The following ADAMTS13 variants were observed in gnomAD, a reference collection of about 807,000 sequenced individuals.
ADAMTS13 encodes A disintegrin and metalloproteinase with thrombospondin motifs 13.
A neutral mutation model predicts 155.1 loss-of-function variants in ADAMTS13; 110 were observed. That is an observed-to-expected ratio of 0.71 (90% CI 0.61 to 0.83). ADAMTS13 has a LOEUF of 0.83. Among genes scored for constraint, ADAMTS13 ranks in the 40% least tolerant of loss-of-function variants. The pLI is 0.00. For synonymous variants in ADAMTS13, 758 were observed against 756.4 expected (o/e 1.00, Z -0.03); for missense variants, 1,707 against 1,891.7 (o/e 0.90, Z 1.81).
At position 133,422,548 on chromosome 9, in the gene ADAMTS13, G is replaced by A; in HGVS notation, c.105G>A (p.Gln35=). Residue 35 remains glutamine, a splice_region_variant and synonymous_variant, in exon 1 of 29, where the codon CAG becomes CAA. Transcript: ENST00000355699. The part of the protein sequence containing the change: ...LGCWGPSHFQ[Q]SCLQALEPQA... ...GCTGGGGACCCTCCCATTTCCAGCA[G>A]GTGGGCTCATTTGCAGGAGCGGGGG... is the stretch of plus-strand genomic sequence containing the variant. The A allele has an allele frequency of 6.2e-7, 1 of 1,614,078 alleles. No homozygotes were observed. Among genetic ancestry groups the A allele is most frequent in the Non-Finnish European group, 8.5e-7 (1 of 1,179,998 alleles).
At chr9:133,457,769 G>A in intron 27 of ADAMTS13, 141 bp from the exon 28 acceptor site, 1 of 1,039,202 alleles carries the variant, frequency 9.6e-7, no homozygotes, top group Non-Finnish European at 1.5e-6. Context: ...GGTAGAGGTG[G>A]GGTTCAGCAG....
Position 133,422,567 on chromosome 9 carries a change from G to A in ADAMTS13, c.105+19G>A. The A allele has an allele frequency of 2.5e-6, 4 of 1,613,278 alleles. No individual in the cohort carries two copies. The highest frequency in any genetic ancestry group is 3.4e-6 in the Non-Finnish European group (4 of 1,179,360). On this transcript the variant is annotated intron_variant, in intron 1 of 28. Transcript: ENST00000355699. ...CCAGCAGGTGGGCTCATTTGCAGGA[G>A]CGGGGGTATTCTGGGAGCCTCTGGG... is the stretch of plus-strand genomic sequence containing the variant.
intron 8 of ADAMTS13, among the ~76,000 whole-genome samples, chr9:133,431,260 C>T (rs919650727): frequency 2.0e-5 from 3 of 152,048 alleles, no homozygotes; most frequent in South Asian, 2.1e-4. Context: ...CCACCACCCA[C>T]GCCTGATCAG....
At chr9:133,423,289 G>A (rs1185795301) in intron 2 of ADAMTS13, 122 bp downstream of exon 2, 3 of 927,938 alleles carry the variant, frequency 3.2e-6, no homozygotes, top group Admixed American at 3.7e-5. Flanking sequence ...CAGAGAAGCT[G>A]CTGTCAACCC....
chr9:133,449,465 G>A (rs587695933), intron 22 of ADAMTS13, among the ~76,000 whole-genome samples: 3 of 152,256 alleles, frequency 2.0e-5, no homozygotes, highest in East Asian at 1.9e-4. Context: ...GCTCCAGGGC[G>A]GTGGTGCTGG....
intron 21 of ADAMTS13, among the ~76,000 whole-genome samples, chr9:133,447,849 C>A (rs2130904281): frequency 6.6e-6 from 1 of 152,232 alleles, no homozygotes; most frequent in African/African-American, 2.4e-5. Flanking sequence ...CCGCCTTGGC[C>A]TCCCAAAGTG....
chr9:133,442,269 C>A, intron 16 of ADAMTS13, 130 bp from the exon 17 acceptor site: 1 of 1,431,986 alleles, frequency 7.0e-7, no homozygotes, highest in Non-Finnish European at 9.8e-7. Flanking sequence ...CCGTGCCTGG[C>A]CAGTGATTGC....
In ADAMTS13 at chr9:133,424,764, C is replaced by T. The variant is rs952432452; in HGVS notation, c.330+286C>T. 2.6e-5 allele frequency among the ~76,000 whole-genome samples: 4 copies of T among 152,188 alleles called. No individual in the cohort carries two copies. Among genetic ancestry groups the T allele is most frequent in the Non-Finnish European group, 5.9e-5 (4 of 68,042 alleles). On this transcript the variant is annotated intron_variant, in intron 3 of 28. Coordinates refer to ENST00000355699, the MANE Select transcript of ADAMTS13 (RefSeq NM_139027.6). The surrounding 1 kb of genome is among the most constrained non-coding windows in gnomAD (Gnocchi z 4.3). Reference sequence around the variant, plus strand: ...TTCCCCAGTATCCATTTGACCCCCACAAAGCTCAGCTAAAGCAACCCTGGC... The same window carrying T: ...TTCCCCAGTATCCATTTGACCCCCATAAAGCTCAGCTAAAGCAACCCTGGC...
Position 133,442,716 on chromosome 9 carries a change from C to T in ADAMTS13, c.2207C>T (p.Ala736Val), listed in dbSNP as rs1029058000. 4.3e-6 allele frequency: 7 copies of T among 1,612,870 alleles called. No homozygotes were observed. The highest frequency in any genetic ancestry group is 5.9e-6 in the Non-Finnish European group (7 of 1,179,980). Residue 736 changes from alanine to valine, a missense_variant, in exon 18 of 29, where the codon GCC becomes GTC. Around this residue, in one of 3 missense-constraint regions of ADAMTS13, gnomAD observed 961 missense variants for 1,107.9 expected, o/e 0.87. Transcript: ENST00000355699. The part of the protein sequence containing the change: ...GSQQPPAWPE[A>V]CVLEPCPPYW... Reference sequence around the variant, plus strand: ...CAGCAGCCACCAGCGTGGCCAGAGGCCTGCGTGCTCGAACCCTGCCCTCCC... The same window carrying T: ...CAGCAGCCACCAGCGTGGCCAGAGGTCTGCGTGCTCGAACCCTGCCCTCCC...
upstream of ADAMTS13, among the ~76,000 whole-genome samples, chr9:133,418,483 G>A (rs1839810429): frequency 6.6e-6 from 1 of 152,222 alleles, no homozygotes; most frequent in South Asian, 2.1e-4. Flanking sequence ...ACGAGCCGCA[G>A]ACAAGAACCC....
intron 8 of ADAMTS13, among the ~76,000 whole-genome samples, chr9:133,432,207 G>A (rs1840820869): frequency 6.6e-6 from 1 of 152,176 alleles, no homozygotes; most frequent in Non-Finnish European, 1.5e-5. Context: ...AGAGGTTGAG[G>A]TGAGCCAAGA....
chr9:133,435,954 G>A (rs1841170722), intron 11 of ADAMTS13, among the ~76,000 whole-genome samples: 1 of 143,326 alleles, frequency 7.0e-6, no homozygotes, highest in African/African-American at 2.6e-5. Flanking sequence ...GCTGTTTTCT[G>A]TTGTTGTTTT....
At chr9:133,451,469 G>A (rs781793646) in intron 23 of ADAMTS13, among the ~76,000 whole-genome samples, 1 of 152,136 alleles carries the variant, frequency 6.6e-6, no homozygotes, top group Non-Finnish European at 1.5e-5. Context: ...TATTGGTCAG[G>A]CCGATCTTGA....
chr9:133,443,428 C>T lies in ADAMTS13; in HGVS notation c.2287C>T (p.Arg763Trp), dbSNP rs782807182. 29 of 1,596,076 alleles carry T rather than the reference C, an allele frequency of 1.8e-5. No homozygotes were observed. Among genetic ancestry groups the T allele is most frequent in the East Asian group, 2.2e-5 (1 of 44,516 alleles). ...CAGCGCCTCCTGTGGGGGTGGCCTG[C>T]GGGAGCGGCCAGTGCGCTGCGTGGA... ...PCSASCGGGL[R>W]ERPVRCVEAQ... Residue 763 changes from arginine (R) to tryptophan (W), a missense_variant, in exon 19 of 29, where the codon CGG becomes TGG. Arg to Trp is a moderately radical substitution (Grantham distance 101). Around this residue, in one of 3 missense-constraint regions of ADAMTS13, gnomAD observed 961 missense variants for 1,107.9 expected, o/e 0.87. Transcript: ENST00000355699.
Position 133,440,647 on chromosome 9 carries a change from A to C in ADAMTS13, c.1968+122A>C. 1 of 1,234,616 alleles carries C rather than the reference A, an allele frequency of 8.1e-7. No homozygotes were observed. Among genetic ancestry groups the C allele is most frequent in the African/African-American group, 1.5e-5 (1 of 66,176 alleles). The allele number at this position is 1,234,616 out of a possible 1,614,324, so 76.5% of individuals were successfully genotyped here. A position where few individuals can be genotyped will look rare whatever the true frequency, so the allele number is the denominator to read the frequency against. On this transcript the variant is annotated intron_variant, in intron 16 of 28. Coordinates refer to ENST00000355699, the MANE Select transcript of ADAMTS13 (RefSeq NM_139027.6). This position sits in a 1 kb window ranked among gnomAD's most constrained non-coding sequence, Gnocchi z 4.3. ...ATTTATTCATTCAGCGGTCACTTACAGGGGACCCACTATGTGTTGGGCCCT... is the reference window on the plus strand; with the variant it reads ...ATTTATTCATTCAGCGGTCACTTACCGGGGACCCACTATGTGTTGGGCCCT...
upstream of ADAMTS13, among the ~76,000 whole-genome samples, chr9:133,421,031 C>T (rs1261728430): frequency 2.6e-5 from 4 of 152,080 alleles, no homozygotes; most frequent in Non-Finnish European, 4.4e-5. Flanking sequence ...TTTGGGAGGC[C>T]GAGGCAGTCA....
At chr9:133,455,055 G>C (rs1222591388) in intron 24 of ADAMTS13, among the ~76,000 whole-genome samples, 1 of 152,176 alleles carries the variant, frequency 6.6e-6, no homozygotes, top group Non-Finnish European at 1.5e-5. Context: ...GGGACAGAGA[G>C]GCCGTGAGGG....
chr9:133,450,569 A>G (rs782467449), intron 23 of ADAMTS13, among the ~76,000 whole-genome samples: 2 of 150,760 alleles, frequency 1.3e-5, no homozygotes, highest in Admixed American at 1.3e-4. Context: ...CCATCTCAAA[A>G]AAAAAAAAAA....
At chr9:133,429,587 T>TC (rs1840576410) in intron 7 of ADAMTS13, 9 of 224,996 alleles carry the variant, frequency 4.0e-5, no homozygotes, top group South Asian at 2.9e-4. Context: ...CTCTCCACGC[T>TC]CCATCAGTCC....
Sources: allele counts gnomAD v4.1 joint callset (sites outside exome capture counted in the v4.1 genomes callset), GRCh38; gene constraint gnomAD v4.1.1; regional missense constraint gnomAD v4.1.1; non-coding constraint Gnocchi (gnomAD v3.1); transcripts MANE v1.5; gene names NCBI Gene and HGNC (gene_info 2026-07-23, HGNC 2026-07-21).